Variants in GPR35 observed in about 807,000 individuals in gnomAD.
GPR35 encodes KYNA receptor.
For synonymous variants in GPR35, 207 were observed against 198.4 expected, an observed-to-expected ratio of 1.04 and a Z score of -0.36; for missense variants, 372 against 422.5, an observed-to-expected ratio of 0.88 and a Z score of 1.05.
At chr2:240,623,327 GGCGCAAACAGGTC>G (rs535475215), upstream of GPR35, among the ~76,000 whole-genome samples, 78 of 139,528 alleles carry the variant, frequency 5.6e-4, no homozygotes, top group African/African-American at 1.9e-3. Context: ...AGGTCGTGAG[GGCGCAAACAGGTC>G]GTGAGGGCGC....
At chr2:240,609,683 A>G (rs1481181770) in intron 2 of GPR35, among the ~76,000 whole-genome samples, 1 of 152,216 alleles carries the variant, frequency 6.6e-6, no homozygotes, top group Admixed American at 6.5e-5. Context: ...AAGATTATAT[A>G]TTCTGCTGTT....
At chr2:240,629,868 C>T in intron 1 of GPR35, 81 bp from the exon 2 acceptor site, 7 of 1,258,756 alleles carry the variant, frequency 5.6e-6, no homozygotes, top group Non-Finnish European at 7.8e-6. Flanking sequence ...ACATCCCTGC[C>T]CAGAGGTGGG....
chr2:240,630,633 G>C lies in GPR35; in HGVS notation c.681G>C (p.Val227=), dbSNP rs767578418. The change falls in exon 2 of 2, where the codon GTG becomes GTC. Residue 227 remains valine, a synonymous_variant. Transcript: ENST00000407714. ...TCTGGGCCAACCTCCTGGTGTTCGT[G>C]GTCTGCTTCCTGCCCCTGCACGTGG... is the stretch of plus-strand genomic sequence containing the variant. ...RMVWANLLVF[V]VCFLPLHVGL... is the part of the protein sequence containing the mutation. The C allele has an allele frequency of 1.2e-6, 2 of 1,612,946 alleles. No individual in the cohort carries two copies. The highest frequency in any genetic ancestry group is 3.3e-5 in the Admixed American group (2 of 60,028).
intron 5 of GPR35, among the ~76,000 whole-genome samples, chr2:240,620,451 C>T (rs1031533092): frequency 6.6e-6 from 1 of 152,128 alleles, no homozygotes; most frequent in African/African-American, 2.4e-5. Context: ...GTGAGGGTGC[C>T]TGGTGAAGGG....
rs748094011 is a variant in GPR35, at chr2:240,630,308, G to A, written c.356G>A (p.Arg119Gln). 29 of 1,582,258 alleles carry A rather than the reference G, an allele frequency of 1.8e-5. No individual in the cohort carries two copies. The highest frequency in any genetic ancestry group is 3.4e-5 in the Admixed American group (2 of 58,884). ...AIAVDRYVAV[R>Q]HPLRARGLRS... ...GCCGTGGACCGCTATGTGGCCGTGC[G>A]GCACCCGCTGCGTGCCCGCGGGCTG... The change falls in exon 2 of 2, where the codon CGG becomes CAG. Residue 119 changes from arginine to glutamine, a missense_variant. Transcript: ENST00000407714.
chr2:240,629,630 A>G, intron 1 of GPR35: 2 of 275,082 alleles, frequency 7.3e-6, no homozygotes, highest in East Asian at 6.7e-5. Context: ...TGCGCTCTGG[A>G]GGGTAGGGCT....
At position 240,625,509 on chromosome 2, in the gene GPR35, T is replaced by C. The variant is rs932348690; in HGVS notation, c.-64T>C. The C allele has an allele frequency of 2.4e-5, 24 of 985,698 alleles. No individual in the cohort carries two copies. The highest frequency in any genetic ancestry group is 2.6e-5 in the Non-Finnish European group (22 of 830,236). 61.1% of individuals were successfully genotyped at this position (985,698 alleles called of 1,614,324 possible). On this transcript the variant is annotated 5_prime_UTR_variant, in exon 1 of 2. Transcript: ENST00000407714. Reference sequence around the variant, plus strand: ...CCCCCAGCCCTTCTCAGACAGCCACTGTGCAGGCTTTGGCAGCGGGGGTCA... The same window carrying C: ...CCCCCAGCCCTTCTCAGACAGCCACCGTGCAGGCTTTGGCAGCGGGGGTCA...
Position 240,630,953 on chromosome 2 carries a change from G to T in GPR35, c.*71G>T. The T allele has an allele frequency of 1.5e-6, 2 of 1,345,314 alleles. No individual in the cohort carries two copies. Among genetic ancestry groups the T allele is most frequent in the South Asian group, 1.3e-5 (1 of 78,750 alleles). 83.3% of individuals were successfully genotyped at this position (1,345,314 alleles called of 1,614,324 possible). A position where few individuals can be genotyped will look rare whatever the true frequency, so the allele number is the denominator to read the frequency against. ...AGGTGCTGCCTGCCAGGGGAAGCTG[G>T]AACCAGTAGCAAGGAGCCCGAGATC... On this transcript the variant is annotated 3_prime_UTR_variant, in exon 2 of 2. Coordinates refer to ENST00000407714, the MANE Select transcript of GPR35 (RefSeq NM_005301.5).
intron 1 of GPR35, 62 bp from the exon 2 acceptor site, chr2:240,629,887 G>A (rs1334748847): frequency 6.3e-6 from 9 of 1,420,734 alleles, no homozygotes; most frequent in African/African-American, 1.4e-5. Flanking sequence ...GGCAGAGTGG[G>A]GGCAGTGCCT....
Position 240,631,108 on chromosome 2 carries a change from C to CA in GPR35, c.*227dup. The CA allele has an allele frequency of 1.7e-6, 1 of 582,174 alleles. No individual in the cohort carries two copies. Among genetic ancestry groups the CA allele is most frequent in the Non-Finnish European group, 3.1e-6 (1 of 318,486 alleles). 36.1% of individuals were successfully genotyped at this position (582,174 alleles called of 1,614,324 possible). On this transcript the variant is annotated 3_prime_UTR_variant, in exon 2 of 2. Coordinates refer to ENST00000407714, the MANE Select transcript of GPR35 (RefSeq NM_005301.5). ...ACTGAGGCCAGAGCAAGGCCAATGTCAGAGACCCCCGGGATGGGGCCTCAC... is the reference window on the plus strand; with the variant it reads ...ACTGAGGCCAGAGCAAGGCCAATGTCAAGAGACCCCCGGGATGGGGCCTCAC...
At chr2:240,607,999 C>T (rs1310017049) in intron 2 of GPR35, among the ~76,000 whole-genome samples, 1 of 152,116 alleles carries the variant, frequency 6.6e-6, no homozygotes, top group African/African-American at 2.4e-5. Context: ...TCAAGTGATC[C>T]TCCCACCTCA....
chr2:240,606,110 C>G (rs1259879970), intron 1 of GPR35, among the ~76,000 whole-genome samples: 1 of 152,188 alleles, frequency 6.6e-6, no homozygotes, highest in Non-Finnish European at 1.5e-5. Flanking sequence ...GCAGGTATAG[C>G]CAGTGTCCAC....
chr2:240,632,997 C>T lies in GPR35; in HGVS notation c.*2115C>T, dbSNP rs2043465871. Among the ~76,000 whole-genome samples, 1 of 152,198 alleles carries T rather than the reference C, an allele frequency of 6.6e-6. No homozygotes were observed. Among genetic ancestry groups the T allele is most frequent in the South Asian group, 2.1e-4 (1 of 4,832 alleles). ...GATAGTGAGTGAGTTCTCATGAGAT[C>T]TGATGGTTTTATAAGGGGCTCTTCC... On this transcript the variant is annotated 3_prime_UTR_variant, in exon 2 of 2. Coordinates refer to ENST00000407714, the MANE Select transcript of GPR35 (RefSeq NM_005301.5).
At chr2:240,607,001 A>G (rs1296073340) in intron 2 of GPR35, among the ~76,000 whole-genome samples, 1 of 152,162 alleles carries the variant, frequency 6.6e-6, no homozygotes, top group African/African-American at 2.4e-5. Context: ...GTCCTGGGTT[A>G]GGTGGGAGGT....
At chr2:240,620,141 G>A (rs1013584762) in intron 5 of GPR35, among the ~76,000 whole-genome samples, 2 of 152,160 alleles carry the variant, frequency 1.3e-5, no homozygotes, top group Non-Finnish European at 2.9e-5. Flanking sequence ...GGCCCACCCC[G>A]AGGCCAGGTG....
chr2:240,616,870 G>A (rs1011210654), intron 3 of GPR35: 5 of 727,448 alleles, frequency 6.9e-6, no homozygotes, highest in Non-Finnish European at 1.3e-5. Flanking sequence ...CATGCTGTGT[G>A]CTGCCCTGTG....
chr2:240,632,339 AG>A lies in GPR35; in HGVS notation c.*1459del, dbSNP rs1195221462. 1.3e-5 allele frequency among the ~76,000 whole-genome samples: 2 copies of A among 150,880 alleles called. No individual in the cohort carries two copies. Among genetic ancestry groups the A allele is most frequent in the African/African-American group, 4.9e-5 (2 of 40,924 alleles). On this transcript the variant is annotated 3_prime_UTR_variant, in exon 2 of 2. Coordinates refer to ENST00000407714, the MANE Select transcript of GPR35 (RefSeq NM_005301.5). The stretch of plus-strand genomic sequence containing the variant: ...CCTGTGCTCAGGAGGATACATGTCC[AG>A]GAGTGTCCCTGTCCAGGAGGCTCCA...
intron 2 of GPR35, among the ~76,000 whole-genome samples, chr2:240,610,237 C>A (rs976346996): frequency 2.0e-5 from 3 of 152,126 alleles, no homozygotes; most frequent in Non-Finnish European, 4.4e-5. Flanking sequence ...GGATTACAGG[C>A]GTGAGCCAAC....
Position 240,616,299 on chromosome 2 carries a change from T to G in GPR35, c.-576-89T>G, listed in dbSNP as rs532194814. On this transcript the variant is annotated intron_variant, in intron 2 of 5. Coordinates refer to the GPR35 transcript ENST00000319838. Reference sequence around the variant, plus strand: ...CCTCGACAGCAGTGGCTCCACAGGATGCATACGAGGTCCCCGCGGTCCCGG... The same window carrying G: ...CCTCGACAGCAGTGGCTCCACAGGAGGCATACGAGGTCCCCGCGGTCCCGG... The G allele has an allele frequency of 1.1e-4, 73 of 667,122 alleles. No homozygotes were observed. In the African/African-American group the frequency reaches 1.1e-3, roughly 10 times the overall value. The allele number at this position is 667,122 out of a possible 1,614,324, so 41.3% of individuals were successfully genotyped here.
Sources: gnomAD v4.1 joint callset for allele counts (sites outside exome capture counted in the v4.1 genomes callset) on GRCh38, gnomAD v4.1.1 for gene constraint, MANE v1.5 for transcripts, NCBI Gene and HGNC (gene_info 2026-07-23, HGNC 2026-07-21) for gene names.